THSD7A: variants seen among roughly 807,000 people sequenced by gnomAD.
THSD7A encodes the protein thrombospondin type 1 domain containing 7A, also known as thrombospondin type-1 domain-containing protein 7A.
A neutral mutation model predicts 231.3 loss-of-function variants in THSD7A; 96 were observed. That is an observed-to-expected ratio of 0.41 (90% confidence interval 0.35 to 0.49). The LOEUF (loss-of-function observed/expected upper bound fraction) is 0.49, where lower values mean the gene tolerates loss of function less well. Among genes scored for constraint, THSD7A ranks in the 20% least tolerant of loss-of-function variants. The probability of loss-of-function intolerance (pLI) is 0.05; values close to 1 mark genes in which losing one functional copy is unlikely to be tolerated. For missense variants in THSD7A, 2,290 were observed against 2,070.2 expected, an observed-to-expected ratio of 1.11 and a Z score of -2.06; for synonymous variants, 940 against 743.3, an observed-to-expected ratio of 1.26 and a Z score of -4.30.
At chr7:11,775,755 G>A (rs10250253) in intron 1 of THSD7A, among the ~76,000 whole-genome samples, 65,950 of 151,890 alleles carry the variant, frequency 0.43, 14,497 homozygotes, top group Admixed American at 0.49. Context: ...CTCTGAAGAT[G>A]GATGGTGTTG....
intron 1 of THSD7A, among the ~76,000 whole-genome samples, chr7:11,772,550 A>G (rs80080030): frequency 6.6e-6 from 1 of 152,216 alleles, no homozygotes; most frequent in Non-Finnish European, 1.5e-5. Flanking sequence ...CCATAAAAAA[A>G]GAAATCATGT....
intron 1 of THSD7A, among the ~76,000 whole-genome samples, chr7:11,653,434 A>C (rs758248849): frequency 6.8e-6 from 1 of 147,544 alleles, no homozygotes; most frequent in Non-Finnish European, 1.5e-5. Flanking sequence ...GAACACCGAG[A>C]TCCACTCCCA....
intron 19 of THSD7A, among the ~76,000 whole-genome samples, chr7:11,410,765 C>G (rs1197442569): frequency 6.6e-6 from 1 of 151,998 alleles, no homozygotes; most frequent in African/African-American, 2.4e-5. Context: ...TAGATGGTCA[C>G]AGCTGGGTAT....
At chr7:11,820,388 C>A in intron 1 of THSD7A, 1 of 1,298,192 alleles carries the variant, frequency 7.7e-7, no homozygotes, top group Non-Finnish European at 1.0e-6. Flanking sequence ...TCTTCAATCT[C>A]CCATTCCTCC....
intron 1 of THSD7A, among the ~76,000 whole-genome samples, chr7:11,763,879 A>C (rs1782943954): frequency 6.6e-6 from 1 of 152,204 alleles, no homozygotes; most frequent in African/African-American, 2.4e-5. Flanking sequence ...GCTATAATCT[A>C]AAATTCCTCT....
chr7:11,407,142 A>C, intron 20 of THSD7A, 87 bp from the exon 21 acceptor site: 1 of 1,533,912 alleles, frequency 6.5e-7, no homozygotes, highest in Non-Finnish European at 8.9e-7. Flanking sequence ...TCACAGTGAT[A>C]TCTCCTGAGG....
chr7:11,783,015 T>C (rs1187761561), intron 1 of THSD7A, among the ~76,000 whole-genome samples: 5 of 152,150 alleles, frequency 3.3e-5, no homozygotes, highest in Non-Finnish European at 7.4e-5. Context: ...GAACCATATT[T>C]TCTGGTGAAG....
At position 11,739,129 on chromosome 7, in the gene THSD7A, A is replaced by G. The variant is rs76542568; in HGVS notation, c.190+92628T>C. 5.7e-3 allele frequency among the ~76,000 whole-genome samples: 862 copies of G among 152,176 alleles called. 8 individuals are homozygous for G. The highest frequency in any genetic ancestry group is 0.02 in the African/African-American group (816 of 41,552). The stretch of plus-strand genomic sequence containing the variant: ...ATGAAGAAAACAAACCTTGAAAGAC[A>G]TACATAATTTGACTATGGAGAAAGT... On this transcript the variant is annotated intron_variant, in intron 1 of 27. Coordinates refer to ENST00000423059, the MANE Select transcript of THSD7A (RefSeq NM_015204.3).
At chr7:11,828,119 A>G (rs889838520) in intron 1 of THSD7A, among the ~76,000 whole-genome samples, 7 of 152,174 alleles carry the variant, frequency 4.6e-5, no homozygotes, top group Non-Finnish European at 1.0e-4. Flanking sequence ...ATTCTAGACA[A>G]ACAAAATATC....
chr7:11,734,106 C>T (rs1781827772), intron 1 of THSD7A, among the ~76,000 whole-genome samples: 1 of 151,886 alleles, frequency 6.6e-6, no homozygotes, highest in Non-Finnish European at 1.5e-5. Context: ...GATGTCATGT[C>T]CAATTAGCCC....
At chr7:11,454,199 T>A (rs567755623) in intron 11 of THSD7A, among the ~76,000 whole-genome samples, 1 of 152,116 alleles carries the variant, frequency 6.6e-6, no homozygotes, top group East Asian at 1.9e-4. Context: ...CCTCTAAAAT[T>A]TCCATATGAG....
intron 11 of THSD7A, among the ~76,000 whole-genome samples, chr7:11,458,100 TAGGGGGGACAGAG>T (rs953631740): frequency 6.6e-6 from 1 of 152,068 alleles, no homozygotes; most frequent in African/African-American, 2.4e-5. Flanking sequence ...TCTGATGTGC[TAGGGGGGACAGAG>T]AGCAGCTTCT....
intron 1 of THSD7A, among the ~76,000 whole-genome samples, chr7:11,712,438 T>A (rs1584248140): frequency 6.6e-6 from 1 of 151,072 alleles, no homozygotes; most frequent in Admixed American, 6.6e-5. Context: ...GTTTACAGAT[T>A]ACACAGAAGT....
At chr7:11,427,988 A>G (rs1026571399) in intron 14 of THSD7A, among the ~76,000 whole-genome samples, 1 of 152,166 alleles carries the variant, frequency 6.6e-6, no homozygotes, top group Non-Finnish European at 1.5e-5. Context: ...CACGATCTTC[A>G]TCTTAATTTA....
At chr7:11,559,747 C>G (rs1424083683) in intron 4 of THSD7A, among the ~76,000 whole-genome samples, 1 of 152,002 alleles carries the variant, frequency 6.6e-6, no homozygotes, top group African/African-American at 2.4e-5. Context: ...AAACTAAAAA[C>G]TAAAATGGCA....
intron 4 of THSD7A, among the ~76,000 whole-genome samples, chr7:11,546,695 C>T (rs59859955): frequency 6.6e-6 from 1 of 151,796 alleles, no homozygotes; most frequent in Non-Finnish European, 1.5e-5. Flanking sequence ...GCACTAGTTC[C>T]CCAGCACTGG....
At chr7:11,429,848 G>A (rs1784427328) in intron 13 of THSD7A, among the ~76,000 whole-genome samples, 1 of 152,166 alleles carries the variant, frequency 6.6e-6, no homozygotes, top group Admixed American at 6.6e-5. Context: ...GTTTTCTGAG[G>A]TCTAATCCAG....
In THSD7A at chr7:11,412,695, G is replaced by C. The variant is rs762693913; in HGVS notation, c.3643C>G (p.Leu1215Val). The change falls in exon 18 of 28, where the codon CTG (leucine) becomes GTG (valine). Residue 1215 changes from leucine (L) to valine (V), a missense_variant. Physicochemically the swap from Leu to Val is conservative, Grantham distance 32. Coordinates refer to ENST00000423059, the MANE Select transcript of THSD7A (RefSeq NM_015204.3). ...TCATAGTGGTAGCAGTTTTTGTTCA[G>C]GTTACAGGGTTCTTTCTCAACAGCA... is the stretch of plus-strand genomic sequence containing the variant. ...PNAVEKEPCN[L>V]NKNCYHYDYN... 1 of 1,613,680 alleles carries C rather than the reference G, an allele frequency of 6.2e-7. No individual in the cohort carries two copies. The highest frequency in any genetic ancestry group is 8.5e-7 in the Non-Finnish European group (1 of 1,179,822).
intron 6 of THSD7A, among the ~76,000 whole-genome samples, chr7:11,499,640 A>G (rs1787250524): frequency 6.6e-6 from 1 of 152,238 alleles, no homozygotes; most frequent in Admixed American, 6.5e-5. Flanking sequence ...TGGGTCAGAC[A>G]GAGCTGAATA....
Sources: gnomAD v4.1 joint callset for allele counts (sites outside exome capture counted in the v4.1 genomes callset) on GRCh38, gnomAD v4.1.1 for gene constraint, MANE v1.5 for transcripts, NCBI Gene and HGNC (gene_info 2026-07-23, HGNC 2026-07-21) for gene names.